Variants in DOK7 observed in about 807,000 individuals in gnomAD.
The protein encoded by DOK7 is docking protein 7, also known as protein Dok-7.
A neutral mutation model predicts 30.7 loss-of-function variants in DOK7; 32 were observed. The observed-to-expected ratio is 1.04, with a 90% CI of 0.79 to 1.40. The LOEUF is 1.40. Among genes scored for constraint, DOK7 ranks in the 40% most tolerant of loss-of-function variants. The pLI, the probability that DOK7 is intolerant of heterozygous loss-of-function variation, is 0.00. For synonymous variants in DOK7, 447 were observed against 324.1 expected (o/e 1.38, Z -4.07); for missense variants, 1,007 against 699.2 (o/e 1.44, Z -4.97).
In DOK7 at chr4:3,476,612, C is replaced by T. The variant is rs60739476; in HGVS notation, c.532+70C>T. 642 of 1,594,790 alleles carry T rather than the reference C, an allele frequency of 4.0e-4. 4 individuals are homozygous for T. The African/African-American group carries it at 7.3e-3, about 18-fold the overall frequency. ...CACTTCCCCTGAGAACTGCTGGCTT[C>T]GGGCCGGCCGACCCCACTTGCAGGC... On this transcript the variant is annotated intron_variant, in intron 4 of 6. Coordinates refer to ENST00000340083, the MANE Select transcript of DOK7 (RefSeq NM_173660.5).
chr4:3,490,416 A>ATTCATT (rs1728228712), intron 6 of DOK7, among the ~76,000 whole-genome samples: 1 of 6,326 alleles, frequency 1.6e-4, no homozygotes, highest in Admixed American at 1.6e-3. Context: ...CACCCCCCCC[A>ATTCATT]CCGCCCCGCT....
At chr4:3,467,007 C>T (rs1726325665) in intron 2 of DOK7, among the ~76,000 whole-genome samples, 1 of 152,192 alleles carries the variant, frequency 6.6e-6, no homozygotes, top group Non-Finnish European at 1.5e-5. Context: ...TGGTCGATGG[C>T]CGCCCCCCTT....
intron 6 of DOK7, among the ~76,000 whole-genome samples, chr4:3,490,112 A>ATTCATTCTTTTCTTCACCCC (rs1728137936): frequency 2.3e-5 from 1 of 42,888 alleles, no homozygotes; most frequent in African/African-American, 8.8e-5. Context: ...CTTCACCCCC[A>ATTCATTCTTTTCTTCACCCC]TTCATTCCTT....
chr4:3,496,501 T>C (rs967754014), downstream of DOK7, among the ~76,000 whole-genome samples: 6 of 152,180 alleles, frequency 3.9e-5, no homozygotes, highest in African/African-American at 1.2e-4. Context: ...AGCAAAATAG[T>C]GGGGCTGGAC....
At chr4:3,490,112 A>ATTCATTCCTTTCTTCACCTC (rs72349432) in intron 6 of DOK7, among the ~76,000 whole-genome samples, 1 of 42,888 alleles carries the variant, frequency 2.3e-5, no homozygotes, top group African/African-American at 8.8e-5. Flanking sequence ...CTTCACCCCC[A>ATTCATTCCTTTCTTCACCTC]TTCATTCCTT....
Position 3,493,535 on chromosome 4 carries a change from G to T in DOK7, c.*34G>T. On this transcript the variant is annotated 3_prime_UTR_variant, in exon 7 of 7. Transcript: ENST00000340083. ...GATCCCGCCCCGCGGCTGCAAAGGGGCTGAATTTGCCCCCAGATGGCAGAG... is the reference window on the plus strand; with the variant it reads ...GATCCCGCCCCGCGGCTGCAAAGGGTCTGAATTTGCCCCCAGATGGCAGAG... 6.2e-7 allele frequency: 1 copy of T among 1,603,372 alleles called. No individual in the cohort carries two copies. Among genetic ancestry groups the T allele is most frequent in the South Asian group, 1.1e-5 (1 of 89,676 alleles).
At chr4:3,495,254 C>T (rs770258172), downstream of DOK7, among the ~76,000 whole-genome samples, 2 of 152,240 alleles carry the variant, frequency 1.3e-5, no homozygotes, top group Non-Finnish European at 2.9e-5. Flanking sequence ...CCGGAGGTGG[C>T]CGCGCCAGTC....
downstream of DOK7, among the ~76,000 whole-genome samples, chr4:3,496,378 C>A (rs1728913960): frequency 6.6e-6 from 1 of 152,274 alleles, no homozygotes. Context: ...GGCCCACACC[C>A]TCAAGGACGG....
intron 4 of DOK7, 45 bp downstream of exon 4, chr4:3,476,587 C>T (rs1560212955): frequency 6.2e-7 from 1 of 1,611,008 alleles, no homozygotes; most frequent in Non-Finnish European, 8.5e-7. Flanking sequence ...CAGCACCCCC[C>T]ACTTCCCCTG....
At chr4:3,471,319 G>C (rs1726748762) in intron 2 of DOK7, among the ~76,000 whole-genome samples, 1 of 152,270 alleles carries the variant, frequency 6.6e-6, no homozygotes. Flanking sequence ...AGGAAACTGA[G>C]GCCAAGATCC....
At position 3,493,119 on chromosome 4, in the gene DOK7, C is replaced by CG. The variant is rs761899995; in HGVS notation, c.1138dup (p.Ala380GlyfsTer27). ...GGCTCACTGCTCAGCCTGCCAGCAG[C>CG]GGGGGCCCCCGAGCCCAGCCTGTGC... On this transcript the variant is annotated frameshift_variant, in exon 7 of 7. Coordinates refer to ENST00000340083, the MANE Select transcript of DOK7 (RefSeq NM_173660.5). LOFTEE classifies it low-confidence loss of function (END_TRUNC). 3 of 1,589,586 alleles carry CG rather than the reference C, an allele frequency of 1.9e-6. No homozygotes were observed. Among genetic ancestry groups the CG allele is most frequent in the Admixed American group, 3.5e-5 (2 of 57,110 alleles).
intron 4 of DOK7, among the ~76,000 whole-genome samples, chr4:3,480,032 G>A (rs1577157962): frequency 1.3e-5 from 2 of 152,368 alleles, no homozygotes; most frequent in South Asian, 4.1e-4. Context: ...GAGTGATGCA[G>A]AGAGGGCCAC....
chr4:3,481,018 G>C (rs1727412396), intron 4 of DOK7, among the ~76,000 whole-genome samples: 1 of 152,256 alleles, frequency 6.6e-6, no homozygotes, highest in East Asian at 1.9e-4. Context: ...AGGGGTGGAG[G>C]GGGGTGAAAA....
chr4:3,500,975 A>G, exon 8 of DOK7: 2 of 1,290,890 alleles, frequency 1.5e-6, no homozygotes, highest in Admixed American at 5.9e-5. Flanking sequence ...GCCATGGTGC[A>G]AACAGGAAGT....
chr4:3,473,355 G>A (rs1280068609), intron 2 of DOK7, 51 bp from the exon 3 acceptor site: 2 of 1,587,030 alleles, frequency 1.3e-6, no homozygotes, highest in East Asian at 2.3e-5. Flanking sequence ...GACGCCAAGG[G>A]TGCGGGCAGG....
At chr4:3,476,234 G>GCCCA (rs1560212294) in intron 3 of DOK7, 108 bp from the exon 4 acceptor site, 1 of 218,986 alleles carries the variant, frequency 4.6e-6, no homozygotes, top group Non-Finnish European at 6.2e-6. Context: ...CCGCCTGCCC[G>GCCCA]TGATGCCCTC....
At chr4:3,468,600 TG>T (rs1490587972) in intron 2 of DOK7, among the ~76,000 whole-genome samples, 1 of 139,210 alleles carries the variant, frequency 7.2e-6, no homozygotes, top group Non-Finnish European at 1.6e-5. Context: ...GTGCGTGTAT[TG>T]GTGTGTGCGT....
chr4:3,473,406 A>G lies in DOK7; in HGVS notation c.101A>G (p.Asp34Gly). ...TCCCTGACGGCCACGCTCCTTGCAG[A>G]CTGCCTGCTGATGCTGGTCTACAAG... ...LVLRKPSPVA[D>G]CLLMLVYKDK... Residue 34 changes from aspartate (D) to glycine (G), a missense_variant and splice_region_variant, in exon 3 of 7, where the codon GAC (aspartate) becomes GGC (glycine). Coordinates refer to ENST00000340083, the MANE Select transcript of DOK7 (RefSeq NM_173660.5). The G allele has an allele frequency of 6.2e-7, 1 of 1,610,794 alleles. No homozygotes were observed. Among genetic ancestry groups the G allele is most frequent in the Non-Finnish European group, 8.5e-7 (1 of 1,179,772 alleles).
Position 3,493,349 on chromosome 4 carries a change from G to T in DOK7, c.1363G>T (p.Val455Leu), listed in dbSNP as rs765823074. 6.3e-6 allele frequency: 10 copies of T among 1,599,144 alleles called. No homozygotes were observed. The highest frequency in any genetic ancestry group is 8.5e-6 in the Non-Finnish European group (10 of 1,173,246). The change falls in exon 7 of 7, where the codon GTG (valine) becomes TTG (leucine). Residue 455 changes from valine (V) to leucine (L), a missense_variant. Coordinates refer to ENST00000340083, the MANE Select transcript of DOK7 (RefSeq NM_173660.5). The part of the protein sequence containing the change: ...GWLGTRRRGL[V>L]MEAPQGSEAT... ...GCTGGGCACGAGACGGCGGGGCCTG[G>T]TGATGGAGGCCCCCCAGGGCAGCGA... is the stretch of plus-strand genomic sequence containing the variant.
Sources: allele counts gnomAD v4.1 joint callset (sites outside exome capture counted in the v4.1 genomes callset), GRCh38; gene constraint gnomAD v4.1.1; transcripts MANE v1.5; gene names NCBI Gene and HGNC (gene_info 2026-07-23, HGNC 2026-07-21).